The following NIM1K variants were observed in gnomAD, a reference collection of about 807,000 sequenced individuals.
NIM1K encodes the protein serine/threonine-protein kinase NIM1.
In NIM1K, 35 loss-of-function variants were observed where a neutral mutation model predicts 37.1. That is an observed-to-expected ratio of 0.94 (90% CI 0.72 to 1.25). The LOEUF (loss-of-function observed/expected upper bound fraction) is 1.25. NIM1K is among the 50% of genes most tolerant of loss of function. NIM1K has a pLI of 0.00. For synonymous variants in NIM1K, 234 were observed against 206.6 expected, an observed-to-expected ratio of 1.13 and a Z score of -1.14; for missense variants, 564 against 548.0, an observed-to-expected ratio of 1.03 and a Z score of -0.29.
chr5:43,196,942 CTTTTTTTTTT>C (rs774125135), intron 1 of NIM1K, among the ~76,000 whole-genome samples: 3 of 82,776 alleles, frequency 3.6e-5, no homozygotes, highest in African/African-American at 1.4e-4. Context: ...CCATGCCCAG[CTTTTTTTTTT>C]TTTTTTTTTT....
chr5:43,272,917 C>G (rs1358125183), intron 2 of NIM1K, among the ~76,000 whole-genome samples: 1 of 152,184 alleles, frequency 6.6e-6, no homozygotes, highest in Non-Finnish European at 1.5e-5. Context: ...ACCATCCCCA[C>G]TAACTCCCTG....
intron 1 of NIM1K, among the ~76,000 whole-genome samples, chr5:43,221,366 G>T (rs932267448): frequency 2.7e-5 from 4 of 148,532 alleles, no homozygotes; most frequent in Admixed American, 2.1e-4. Flanking sequence ...CATGAGAATT[G>T]CTTGAACCTG....
chr5:43,223,061 C>T (rs557159174), intron 1 of NIM1K, among the ~76,000 whole-genome samples: 13 of 145,414 alleles, frequency 8.9e-5, no homozygotes, highest in African/African-American at 3.1e-4. Flanking sequence ...ATCGCTTGAA[C>T]TTGGGAGGCA....
intron 2 of NIM1K, among the ~76,000 whole-genome samples, chr5:43,270,201 G>A (rs1753234037): frequency 6.6e-6 from 1 of 152,184 alleles, no homozygotes; most frequent in Admixed American, 6.5e-5. Flanking sequence ...TGGCTTGTAA[G>A]GTTTCTGCTG....
intron 2 of NIM1K, among the ~76,000 whole-genome samples, chr5:43,252,640 A>G (rs1752882159): frequency 6.6e-6 from 1 of 152,008 alleles, no homozygotes; most frequent in Admixed American, 6.6e-5. Flanking sequence ...GGAGGCTCCA[A>G]TATGGGTCCC....
intron 2 of NIM1K, among the ~76,000 whole-genome samples, chr5:43,259,229 T>A (rs1487256448): frequency 6.6e-6 from 1 of 152,182 alleles, no homozygotes; most frequent in Non-Finnish European, 1.5e-5. Context: ...CATGCAGGTG[T>A]TTTTTGATAT....
chr5:43,264,197 A>T (rs1407192877), intron 2 of NIM1K, among the ~76,000 whole-genome samples: 1 of 152,136 alleles, frequency 6.6e-6, no homozygotes, highest in Non-Finnish European at 1.5e-5. Context: ...TGTCTCATTG[A>T]TCTGTCTAAT....
chr5:43,232,965 C>G, intron 1 of NIM1K: 1 of 1,134,946 alleles, frequency 8.8e-7, no homozygotes, highest in East Asian at 2.3e-5. Flanking sequence ...CCATGGGTTT[C>G]AGGTCTAGAA....
chr5:43,216,246 A>G (rs905545376), intron 1 of NIM1K, among the ~76,000 whole-genome samples: 13 of 152,176 alleles, frequency 8.5e-5, no homozygotes, highest in African/African-American at 3.1e-4. Context: ...GGAAATGGAA[A>G]CTGGTGAGTC....
intron 1 of NIM1K, among the ~76,000 whole-genome samples, chr5:43,214,992 T>C (rs1016300403): frequency 6.6e-6 from 1 of 152,184 alleles, no homozygotes; most frequent in Non-Finnish European, 1.5e-5. Flanking sequence ...TCTCCATGCA[T>C]ACTTCTGAAT....
At position 43,280,254 on chromosome 5, in the gene NIM1K, T is replaced by TA. The variant is rs1251501206; in HGVS notation, c.842dup (p.Ser282GlufsTer41). 1 of 1,613,920 alleles carries TA rather than the reference T, an allele frequency of 6.2e-7. No individual in the cohort carries two copies. Among genetic ancestry groups the TA allele is most frequent in the African/African-American group, 1.3e-5 (1 of 74,866 alleles). ...TTTCGGGCAGAAACCGTGGCCAAAC[T>TA]AAAAAAGAGCATCCTCGAGGGCACA... On this transcript the variant is annotated frameshift_variant, in exon 4 of 4. Transcript: ENST00000326035. LOFTEE classifies it high-confidence loss of function.
At chr5:43,236,039 C>T (rs10941612) in intron 1 of NIM1K, among the ~76,000 whole-genome samples, 12,999 of 152,058 alleles carry the variant, frequency 0.085, 730 homozygotes, top group Admixed American at 0.14. Flanking sequence ...CTTTGGGAGG[C>T]CAAGGAGGGT....
chr5:43,232,925 A>T, intron 1 of NIM1K: 1 of 1,157,546 alleles, frequency 8.6e-7, no homozygotes, highest in Non-Finnish European at 1.3e-6. Context: ...AGCTGGTTGT[A>T]GGTGCCAGTG....
intron 2 of NIM1K, among the ~76,000 whole-genome samples, chr5:43,264,672 C>T (rs1401018710): frequency 6.6e-6 from 1 of 152,156 alleles, no homozygotes; most frequent in Non-Finnish European, 1.5e-5. Context: ...ATGATGTTAG[C>T]TGGTTATTTT....
At chr5:43,198,612 G>T (rs191396296) in intron 1 of NIM1K, among the ~76,000 whole-genome samples, 12 of 152,070 alleles carry the variant, frequency 7.9e-5, no homozygotes, top group Middle Eastern at 3.4e-3. Flanking sequence ...TTCAGAACAC[G>T]ATCTATTTCT....
chr5:43,212,065 A>G (rs901556511), intron 1 of NIM1K, among the ~76,000 whole-genome samples: 16 of 152,156 alleles, frequency 1.1e-4, no homozygotes, highest in African/African-American at 3.9e-4. Flanking sequence ...ATATAAAAGT[A>G]TTTTAAGACT....
intron 1 of NIM1K, chr5:43,207,062 C>T (rs1752124752): frequency 1.4e-6 from 1 of 724,716 alleles, no homozygotes; most frequent in Non-Finnish European, 2.6e-6. Flanking sequence ...AGATATTGGC[C>T]CATTACCTAT....
chr5:43,269,308 C>CAAA (rs1359809549), intron 2 of NIM1K, among the ~76,000 whole-genome samples: 19,758 of 55,514 alleles, frequency 0.36, 5,276 homozygotes, highest in East Asian at 0.74. Context: ...GACTTCATCT[C>CAAA]AAAAAAAAAA....
chr5:43,208,604 A>G (rs1752153531), intron 1 of NIM1K, among the ~76,000 whole-genome samples: 1 of 152,120 alleles, frequency 6.6e-6, no homozygotes, highest in Non-Finnish European at 1.5e-5. Context: ...TCTGTCTCAA[A>G]AAAAAGAAAA....
Sources: gnomAD v4.1 joint callset for allele counts (sites outside exome capture counted in the v4.1 genomes callset) on GRCh38, gnomAD v4.1.1 for gene constraint, MANE v1.5 for transcripts, NCBI Gene and HGNC (gene_info 2026-07-23, HGNC 2026-07-21) for gene names.